Variants in AP4S1 observed in about 807,000 individuals in gnomAD.
AP4S1 encodes the protein AP-4 complex subunit sigma-1.
A neutral mutation model predicts 19.8 loss-of-function variants in AP4S1; 23 were observed. The ratio of observed to expected loss-of-function variants is 1.16; its 90% CI spans 0.84 to 1.65. The LOEUF is 1.65. Among genes scored for constraint, AP4S1 ranks in the 40% most tolerant of loss-of-function variants. The pLI is 0.00. For synonymous variants in AP4S1, 46 were observed against 54.1 expected, an observed-to-expected ratio of 0.85 and a Z score of 0.66; for missense variants, 166 against 172.8, an observed-to-expected ratio of 0.96 and a Z score of 0.22.
intron 4 of AP4S1, 189 bp downstream of exon 4, chr14:31,073,162 C>T: frequency 1.6e-6 from 1 of 610,826 alleles, no homozygotes; most frequent in South Asian, 1.8e-5. Context: ...CCTATACATG[C>T]CTGAGATCTT....
In AP4S1 at chr14:31,049,184, C is replaced by T. The variant is rs192155831; in HGVS notation, c.-71-16942C>T. ...ATCCCAACACTTTGGGAGGTCGAGGCGGGTGGATCATGAGGTCAGGAGATC... is the reference window on the plus strand; with the variant it reads ...ATCCCAACACTTTGGGAGGTCGAGGTGGGTGGATCATGAGGTCAGGAGATC... On this transcript the variant is annotated intron_variant, in intron 1 of 5. Transcript: ENST00000542754. Among the ~76,000 whole-genome samples, 105 of 151,696 alleles carry T rather than the reference C, an allele frequency of 6.9e-4. No individual in the cohort carries two copies. In the East Asian group the frequency reaches 0.017, roughly 24 times the overall value.
chr14:31,050,148 C>G (rs1419033854), intron 1 of AP4S1, among the ~76,000 whole-genome samples: 2 of 152,214 alleles, frequency 1.3e-5, no homozygotes, highest in Non-Finnish European at 2.9e-5. Flanking sequence ...TCTCGAACTC[C>G]TGACCTCAGG....
At chr14:31,090,037 G>A (rs577386245) in intron 5 of AP4S1, among the ~76,000 whole-genome samples, 3 of 152,124 alleles carry the variant, frequency 2.0e-5, no homozygotes, top group African/African-American at 7.2e-5. Flanking sequence ...TGCCCAGACT[G>A]GAGTGCAGTG....
chr14:31,083,787 A>C, intron 5 of AP4S1: 2 of 331,342 alleles, frequency 6.0e-6, no homozygotes, highest in Non-Finnish European at 1.2e-5. Flanking sequence ...TGACATTCTT[A>C]AAAGGTTACT....
intron 1 of AP4S1, among the ~76,000 whole-genome samples, chr14:31,047,777 C>G (rs1308247823): frequency 6.6e-6 from 1 of 152,028 alleles, no homozygotes; most frequent in African/African-American, 2.4e-5. Flanking sequence ...CTCCCAGGCT[C>G]AAGCCATTGT....
chr14:31,030,541 G>A (rs1316357171), intron 1 of AP4S1, among the ~76,000 whole-genome samples: 1 of 152,108 alleles, frequency 6.6e-6, no homozygotes, highest in Admixed American at 6.6e-5. Flanking sequence ...AGAGATGGGA[G>A]TCTCACTGTA....
chr14:31,048,290 C>T (rs980462255), intron 1 of AP4S1, among the ~76,000 whole-genome samples: 1 of 151,348 alleles, frequency 6.6e-6, no homozygotes, highest in Non-Finnish European at 1.5e-5. Flanking sequence ...TTAGTAGAAA[C>T]GGGGTCCCAC....
chr14:31,050,996 CTG>C (rs1335436113), intron 1 of AP4S1, among the ~76,000 whole-genome samples: 1 of 151,958 alleles, frequency 6.6e-6, no homozygotes, highest in African/African-American at 2.4e-5. Context: ...TGGCCCATGA[CTG>C]TATTCCAGCA....
At chr14:31,087,300 C>T (rs943448093) in intron 5 of AP4S1, among the ~76,000 whole-genome samples, 1 of 152,232 alleles carries the variant, frequency 6.6e-6, no homozygotes, top group Non-Finnish European at 1.5e-5. Context: ...TTCTGGGTTT[C>T]TAGGGCCCTT....
chr14:31,037,063 C>T (rs530467281), intron 1 of AP4S1, among the ~76,000 whole-genome samples: 1 of 152,012 alleles, frequency 6.6e-6, no homozygotes, highest in Admixed American at 6.6e-5. Context: ...CTGCCTGCCT[C>T]GGCCTCCGAA....
At chr14:31,042,070 A>T (rs1566515562) in intron 1 of AP4S1, among the ~76,000 whole-genome samples, 1 of 152,246 alleles carries the variant, frequency 6.6e-6, no homozygotes, top group East Asian at 1.9e-4. Flanking sequence ...ACCTCAGGTG[A>T]TCCACATGCC....
chr14:31,033,457 C>T (rs1347710544), intron 1 of AP4S1, among the ~76,000 whole-genome samples: 1 of 152,116 alleles, frequency 6.6e-6, no homozygotes, highest in Non-Finnish European at 1.5e-5. Flanking sequence ...TGTGATCCAC[C>T]CGCCTCAGCC....
At chr14:31,054,867 CAAAAAAAAAAAAAAAA>C (rs1162029946) in intron 1 of AP4S1, among the ~76,000 whole-genome samples, 5 of 46,380 alleles carry the variant, frequency 1.1e-4, no homozygotes, top group Non-Finnish European at 1.4e-4. Flanking sequence ...GACTCTGTCT[CAAAAAAAAAAAAAAAA>C]AAAAAAAAAA....
intron 1 of AP4S1, chr14:31,027,361 T>G (rs1052819073): frequency 2.0e-5 from 3 of 152,176 alleles, no homozygotes; most frequent in African/African-American, 7.2e-5. Flanking sequence ...TCCTGGGTCA[T>G]TAAATGTTTA....
chr14:31,071,844 T>A (rs1445774868), intron 3 of AP4S1, among the ~76,000 whole-genome samples: 2 of 151,926 alleles, frequency 1.3e-5, no homozygotes, highest in Non-Finnish European at 2.9e-5. Flanking sequence ...CAATCCCGAG[T>A]ACCTAAGACT....
In AP4S1 at chr14:31,069,935, A is replaced by T; in HGVS notation, c.225+6A>T. The T allele has an allele frequency of 1.3e-6, 2 of 1,596,746 alleles. No individual in the cohort carries two copies. The highest frequency in any genetic ancestry group is 2.2e-5 in the South Asian group (2 of 90,708). ...TTGGAGTTAATGACACTGAGGTAAG[A>T]TAATAGAAGAGCCCTTGGAAAATGC... On this transcript the variant is annotated splice_donor_region_variant and intron_variant, in intron 3 of 5. Coordinates refer to ENST00000542754, the MANE Select transcript of AP4S1 (RefSeq NM_001128126.3).
intron 5 of AP4S1, among the ~76,000 whole-genome samples, chr14:31,089,218 T>C (rs1888010422): frequency 1.3e-5 from 2 of 151,486 alleles, no homozygotes; most frequent in African/African-American, 4.9e-5. Flanking sequence ...AAGAAGAATG[T>C]CTCCAGGACT....
chr14:31,066,012 T>C, intron 1 of AP4S1, 114 bp from the exon 2 acceptor site: 1 of 567,286 alleles, frequency 1.8e-6, no homozygotes, highest in African/African-American at 1.9e-5. Flanking sequence ...AGACTGATAT[T>C]ATCAGATGAT....
chr14:31,088,116 G>A (rs1051912134), intron 5 of AP4S1, among the ~76,000 whole-genome samples: 2 of 152,116 alleles, frequency 1.3e-5, no homozygotes, highest in African/African-American at 2.4e-5. Flanking sequence ...CCAGGATTCA[G>A]CCAGTAGCCC....
Sources: allele counts gnomAD v4.1 joint callset (sites outside exome capture counted in the v4.1 genomes callset), GRCh38; gene constraint gnomAD v4.1.1; transcripts MANE v1.5; gene names NCBI Gene and HGNC (gene_info 2026-07-23, HGNC 2026-07-21).